ICA1: variants seen among roughly 807,000 people sequenced by gnomAD.
ICA1 encodes 69 kDa islet cell autoantigen.
In ICA1, 40 loss-of-function variants were observed where a neutral mutation model predicts 71.0. That is an observed-to-expected ratio of 0.56 (90% CI 0.44 to 0.73). The LOEUF is 0.73. ICA1 is among the 30% of genes least tolerant of loss of function. The probability of loss-of-function intolerance (pLI) is 0.00; values close to 1 mark genes in which losing one functional copy is unlikely to be tolerated. For missense variants in ICA1, 578 were observed against 576.5 expected, an observed-to-expected ratio of 1.00 and a Z score of -0.03; for synonymous variants, 207 against 209.5, an observed-to-expected ratio of 0.99 and a Z score of 0.10.
At chr7:8,119,735 A>G (rs1413421768) in intron 13 of ICA1, among the ~76,000 whole-genome samples, 1 of 152,106 alleles carries the variant, frequency 6.6e-6, no homozygotes, top group African/African-American at 2.4e-5. Flanking sequence ...AATCCTAGCT[A>G]CTCAGGAGGT....
intron 6 of ICA1, among the ~76,000 whole-genome samples, chr7:8,189,137 CT>C (rs982724251): frequency 1.3e-5 from 2 of 152,182 alleles, no homozygotes; most frequent in Non-Finnish European, 2.9e-5. Context: ...ACTTAAAGAT[CT>C]GTCTCCCCAA....
chr7:8,158,416 G>C lies in ICA1; in HGVS notation c.705+111C>G, dbSNP rs1427034092. 6 of 1,317,022 alleles carry C rather than the reference G, an allele frequency of 4.6e-6. No homozygotes were observed. In the East Asian group the frequency reaches 7.0e-5, roughly 15 times the overall value. The allele number at this position is 1,317,022 out of a possible 1,614,324, so 81.6% of individuals were successfully genotyped here. A position where few individuals can be genotyped will look rare whatever the true frequency, so the allele number is the denominator to read the frequency against. ...ATGTGGGAAGTGAAATTACGGAAAG[G>C]CATTCAGAACTTCACAATGGCCAAA... On this transcript the variant is annotated intron_variant, in intron 7 of 13. Coordinates refer to ENST00000402384, the MANE Select transcript of ICA1 (RefSeq NM_001136020.3).
intron 1 of ICA1, among the ~76,000 whole-genome samples, chr7:8,247,711 T>C (rs1806576214): frequency 6.6e-6 from 1 of 152,174 alleles, no homozygotes; most frequent in Non-Finnish European, 1.5e-5. Context: ...GGCATTTTCA[T>C]TCCACATAAG....
chr7:8,137,008 T>C (rs1438211251), intron 12 of ICA1, among the ~76,000 whole-genome samples: 1 of 152,082 alleles, frequency 6.6e-6, no homozygotes, highest in Non-Finnish European at 1.5e-5. Flanking sequence ...GGGTTGTACC[T>C]TTACCGCCAA....
At chr7:8,182,866 T>C (rs1220963953) in intron 6 of ICA1, among the ~76,000 whole-genome samples, 3 of 152,306 alleles carry the variant, frequency 2.0e-5, no homozygotes, top group Middle Eastern at 3.4e-3. Context: ...TAAATGAGAA[T>C]CTCCACATGG....
At chr7:8,180,828 T>A (rs1781990246) in intron 6 of ICA1, among the ~76,000 whole-genome samples, 1 of 151,032 alleles carries the variant, frequency 6.6e-6, no homozygotes, top group South Asian at 2.1e-4. Context: ...TGGCGGCCAG[T>A]CTCTCTCTCT....
intron 1 of ICA1, among the ~76,000 whole-genome samples, chr7:8,253,729 G>GT (rs1809028358): frequency 6.6e-6 from 1 of 152,044 alleles, no homozygotes; most frequent in Non-Finnish European, 1.5e-5. Context: ...ACATACATGG[G>GT]TTCTGCAGGG....
At chr7:8,137,733 C>CA (rs1313957668) in intron 12 of ICA1, among the ~76,000 whole-genome samples, 2 of 152,220 alleles carry the variant, frequency 1.3e-5, no homozygotes, top group African/African-American at 4.8e-5. Context: ...AAGACAGTAA[C>CA]AGGGAAAGCA....
intron 6 of ICA1, among the ~76,000 whole-genome samples, chr7:8,169,912 G>GTGTGTGTGTGTGTGTGTA (rs1807653349): frequency 6.6e-6 from 1 of 151,574 alleles, no homozygotes; most frequent in Non-Finnish European, 1.5e-5. Flanking sequence ...GTGTGTGTGT[G>GTGTGTGTGTGTGTGTGTA]TGTGTGTGTG....
chr7:8,249,495 T>C (rs907821837), intron 1 of ICA1, among the ~76,000 whole-genome samples: 1 of 152,220 alleles, frequency 6.6e-6, no homozygotes, highest in Non-Finnish European at 1.5e-5. Context: ...AGGATGGACA[T>C]TCAATGCTGT....
intron 10 of ICA1, 95 bp from the exon 11 acceptor site, chr7:8,139,142 A>C: frequency 1.1e-6 from 1 of 942,934 alleles, no homozygotes; most frequent in South Asian, 1.5e-5. Context: ...CGGCTTCAGG[A>C]AGAAATGGGA....
intron 12 of ICA1, among the ~76,000 whole-genome samples, chr7:8,135,663 C>T (rs1793158757): frequency 6.6e-6 from 1 of 152,130 alleles, no homozygotes; most frequent in African/African-American, 2.4e-5. Context: ...CCTATGGTAC[C>T]TACTGAATGA....
intron 13 of ICA1, among the ~76,000 whole-genome samples, chr7:8,121,600 T>C (rs1057383927): frequency 6.6e-6 from 1 of 152,160 alleles, no homozygotes; most frequent in Admixed American, 6.5e-5. Flanking sequence ...TACCAGAGGC[T>C]GGAAAGGGTG....
chr7:8,221,925 G>A (rs989233801), intron 4 of ICA1, among the ~76,000 whole-genome samples: 9 of 152,152 alleles, frequency 5.9e-5, no homozygotes, highest in African/African-American at 1.9e-4. Context: ...AGGTCATCAG[G>A]TTGATGACAG....
chr7:8,172,261 T>A (rs764652930), intron 6 of ICA1, among the ~76,000 whole-genome samples: 1 of 152,106 alleles, frequency 6.6e-6, no homozygotes, highest in Non-Finnish European at 1.5e-5. Flanking sequence ...TATTCTATTA[T>A]CAGTTGTAGA....
intron 6 of ICA1, among the ~76,000 whole-genome samples, chr7:8,172,891 G>C (rs1808911612): frequency 6.6e-6 from 1 of 152,166 alleles, no homozygotes. Context: ...TTAGTCTGGT[G>C]ACTAAATGTA....
At chr7:8,186,311 T>C (rs757689171) in intron 6 of ICA1, among the ~76,000 whole-genome samples, 2 of 152,078 alleles carry the variant, frequency 1.3e-5, no homozygotes, top group African/African-American at 2.4e-5. Flanking sequence ...ACAACAAACA[T>C]AAATGTGGAC....
chr7:8,208,578 G>C (rs1792461278), intron 6 of ICA1, among the ~76,000 whole-genome samples: 1 of 152,178 alleles, frequency 6.6e-6, no homozygotes, highest in Non-Finnish European at 1.5e-5. Flanking sequence ...AGCTGGGAAA[G>C]ATGATATGTG....
At chr7:8,145,156 A>G (rs1796447001) in intron 8 of ICA1, among the ~76,000 whole-genome samples, 1 of 152,190 alleles carries the variant, frequency 6.6e-6, no homozygotes, top group African/African-American at 2.4e-5. Context: ...CTTCTTTTCA[A>G]GAATCTTATT....
Sources: gnomAD v4.1 joint callset for allele counts (sites outside exome capture counted in the v4.1 genomes callset) on GRCh38, gnomAD v4.1.1 for gene constraint, MANE v1.5 for transcripts, NCBI Gene and HGNC (gene_info 2026-07-23, HGNC 2026-07-21) for gene names.